Variants in ADAMTS17 observed in about 807,000 individuals in gnomAD.
ADAMTS17 encodes ADAM metallopeptidase with thrombospondin type 1 motif 17.
A neutral mutation model predicts 141.5 loss-of-function variants in ADAMTS17; 113 were observed. The ratio of observed to expected loss-of-function variants is 0.80; its 90% CI spans 0.69 to 0.93. The LOEUF (loss-of-function observed/expected upper bound fraction) is 0.93. Ranked by LOEUF, ADAMTS17 falls within the 40% of genes least tolerant of loss-of-function variation. The pLI, the probability that ADAMTS17 is intolerant of heterozygous loss-of-function variation, is 0.00. For synonymous variants in ADAMTS17, 768 were observed against 630.6 expected (o/e 1.22, Z -3.27); for missense variants, 1,659 against 1,517.9 (o/e 1.09, Z -1.54).
intron 3 of ADAMTS17, among the ~76,000 whole-genome samples, chr15:100,310,131 C>T (rs2045355647): frequency 1.3e-5 from 2 of 152,184 alleles, no homozygotes; most frequent in South Asian, 4.1e-4. Flanking sequence ...CAGAAATTCA[C>T]GGATGTGCCG....
chr15:100,139,307 G>C (rs867714693), intron 10 of ADAMTS17, among the ~76,000 whole-genome samples: 14 of 152,214 alleles, frequency 9.2e-5, no homozygotes, highest in South Asian at 4.1e-4. Flanking sequence ...TTCTAAGAAT[G>C]TGTAAGTGAG....
At chr15:100,097,160 C>G (rs962210425) in intron 14 of ADAMTS17, among the ~76,000 whole-genome samples, 1 of 152,154 alleles carries the variant, frequency 6.6e-6, no homozygotes, top group Non-Finnish European at 1.5e-5. Flanking sequence ...GTTTTGGACT[C>G]TTTTTTTCTT....
chr15:100,107,191 GCCT>G (rs1229389413), intron 14 of ADAMTS17, among the ~76,000 whole-genome samples: 1 of 152,178 alleles, frequency 6.6e-6, no homozygotes, highest in Admixed American at 6.5e-5. Flanking sequence ...TTTATGCCTT[GCCT>G]CCTCTTGTTC....
intron 6 of ADAMTS17, among the ~76,000 whole-genome samples, chr15:100,258,646 G>A (rs1311712295): frequency 1.1e-5 from 1 of 90,892 alleles, no homozygotes; most frequent in African/African-American, 4.9e-5. Context: ...AGAAAGACCT[G>A]CCCCCACGAT....
intron 8 of ADAMTS17, among the ~76,000 whole-genome samples, chr15:100,185,699 C>T (rs1490622122): frequency 6.6e-6 from 1 of 152,228 alleles, no homozygotes; most frequent in Non-Finnish European, 1.5e-5. Flanking sequence ...CGCAGAGATC[C>T]CTCATGCCCT....
At chr15:100,230,390 T>A (rs150423620) in intron 7 of ADAMTS17, among the ~76,000 whole-genome samples, 286 of 152,304 alleles carry the variant, frequency 1.9e-3, no homozygotes, top group African/African-American at 6.6e-3. Context: ...AGATGCTGGC[T>A]GGTACAGAGT....
intron 15 of ADAMTS17, among the ~76,000 whole-genome samples, chr15:100,075,715 T>A (rs1186262923): frequency 1.3e-5 from 2 of 152,212 alleles, no homozygotes; most frequent in Non-Finnish European, 2.9e-5. Flanking sequence ...TGCTTGGTTT[T>A]CTTTTGGGGG....
chr15:100,140,594 C>G (rs1007036455), intron 10 of ADAMTS17, among the ~76,000 whole-genome samples: 3 of 151,510 alleles, frequency 2.0e-5, no homozygotes, highest in African/African-American at 7.3e-5. Flanking sequence ...TCACCAAGTC[C>G]AGACATCATA....
At chr15:100,294,661 C>T (rs936915286) in intron 3 of ADAMTS17, among the ~76,000 whole-genome samples, 5 of 152,222 alleles carry the variant, frequency 3.3e-5, no homozygotes, top group South Asian at 4.1e-4. Flanking sequence ...GAGCCATGAC[C>T]GTGCCACTGC....
At chr15:100,165,604 T>C (rs139971006) in intron 8 of ADAMTS17, among the ~76,000 whole-genome samples, 29 of 152,358 alleles carry the variant, frequency 1.9e-4, no homozygotes, top group African/African-American at 5.8e-4. Flanking sequence ...GTTAAAGATT[T>C]GAAATATTTC....
chr15:100,076,665 G>T (rs1251093971), intron 15 of ADAMTS17, among the ~76,000 whole-genome samples: 1 of 152,134 alleles, frequency 6.6e-6, no homozygotes, highest in South Asian at 2.1e-4. Context: ...TTAGGACATA[G>T]ATTTATTGAT....
chr15:100,049,492 C>T (rs2031974734), intron 17 of ADAMTS17, among the ~76,000 whole-genome samples: 1 of 152,176 alleles, frequency 6.6e-6, no homozygotes, highest in African/African-American at 2.4e-5. Flanking sequence ...GACAGGCATT[C>T]CAGAGCCATT....
rs746864724 is a variant in ADAMTS17 at position 100,261,516 on chromosome 15, C to T, written c.994G>A (p.Asp332Asn). ...GNNQVPGGKD[D>N]PPLVDAAVFV... ...ACGGCAGCATCCACCAGGGGCGGGT[C>T]GTCCTTCCCGCCGGGAACCTGGTTA... Residue 332 changes from aspartate (D) to asparagine (N), a missense_variant, in exon 6 of 22, where the codon GAC (aspartate) becomes AAC (asparagine). Transcript: ENST00000268070. 2.2e-5 allele frequency: 36 copies of T among 1,614,072 alleles called. No individual in the cohort carries two copies. Among genetic ancestry groups the T allele is most frequent in the African/African-American group, 5.3e-5 (4 of 74,926 alleles).
chr15:100,205,129 G>A lies in ADAMTS17; in HGVS notation c.1076-5706C>T, dbSNP rs191380499. Among the ~76,000 whole-genome samples the A allele has an allele frequency of 2.2e-4, 34 of 152,214 alleles. 1 individual carries two copies. Among genetic ancestry groups the A allele is most frequent in the African/African-American group, 7.5e-4 (31 of 41,520 alleles). On this transcript the variant is annotated intron_variant, in intron 7 of 21. Transcript: ENST00000268070. ...TTAGGACACAGATGTCCTTGGCTTC[G>A]GTTTCCCAGGTACCTCCAGGATCCT...
At chr15:100,340,959 C>CGG in intron 2 of ADAMTS17, 80 bp downstream of exon 2, 1 of 1,280,330 alleles carries the variant, frequency 7.8e-7, no homozygotes, top group African/African-American at 1.5e-5. Context: ...AGCAGAGGCG[C>CGG]CCCACCCCCA....
intron 20 of ADAMTS17, among the ~76,000 whole-genome samples, chr15:99,977,808 T>G (rs1052797915): frequency 6.6e-6 from 1 of 152,144 alleles, no homozygotes; most frequent in South Asian, 2.1e-4. Context: ...TTTCGGCCCC[T>G]GCTTTCTCCC....
intron 7 of ADAMTS17, among the ~76,000 whole-genome samples, chr15:100,232,624 C>T (rs574126549): frequency 1.3e-5 from 2 of 152,334 alleles, no homozygotes; most frequent in African/African-American, 2.4e-5. Context: ...AGGGCTCTGG[C>T]GGTAAGTGCA....
At chr15:100,131,899 T>G in intron 12 of ADAMTS17, 108 bp downstream of exon 12, 1 of 1,553,222 alleles carries the variant, frequency 6.4e-7, no homozygotes, top group Non-Finnish European at 8.8e-7. Context: ...TTTCCATATC[T>G]TCTAATGCTC....
intron 3 of ADAMTS17, among the ~76,000 whole-genome samples, chr15:100,323,427 A>G (rs1310822992): frequency 1.3e-5 from 2 of 152,210 alleles, no homozygotes; most frequent in African/African-American, 2.4e-5. Flanking sequence ...TGGAAATTAC[A>G]GACTATTTAG....
Sources: gnomAD v4.1 joint callset for allele counts (sites outside exome capture counted in the v4.1 genomes callset) on GRCh38, gnomAD v4.1.1 for gene constraint, MANE v1.5 for transcripts, NCBI Gene and HGNC (gene_info 2026-07-23, HGNC 2026-07-21) for gene names.